The following CDYL variants were observed in gnomAD, a reference collection of about 807,000 sequenced individuals.
The protein encoded by CDYL is chromodomain Y-like protein.
In CDYL, 8 loss-of-function variants were observed where a neutral mutation model predicts 47.3. The observed-to-expected ratio is 0.17, with a 90% CI of 0.10 to 0.31. The LOEUF (loss-of-function observed/expected upper bound fraction) is 0.31, where lower values mean the gene tolerates loss of function less well. CDYL is among the 10% of genes least tolerant of loss of function. CDYL has a pLI of 1.00. For synonymous variants in CDYL, 266 were observed against 265.0 expected (o/e 1.00, Z -0.04); for missense variants, 471 against 701.4 (o/e 0.67, Z 3.71).
intron 2 of CDYL, among the ~76,000 whole-genome samples, chr6:4,728,615 T>C (rs185244655): frequency 2.0e-5 from 3 of 152,330 alleles, no homozygotes; most frequent in Admixed American, 1.3e-4. Flanking sequence ...ATGAGGAATC[T>C]TGGACTCTTG....
At chr6:4,741,224 A>G (rs922237470) in intron 3 of CDYL, among the ~76,000 whole-genome samples, 4 of 152,080 alleles carry the variant, frequency 2.6e-5, no homozygotes, top group African/African-American at 4.8e-5. Context: ...TTTCTTTTCA[A>G]CCTCCCAGGA....
intron 1 of CDYL, among the ~76,000 whole-genome samples, chr6:4,833,646 T>TTC (rs950677033): frequency 3.3e-5 from 5 of 151,172 alleles, no homozygotes; most frequent in Admixed American, 3.3e-4. Flanking sequence ...TTCTGTCTTG[T>TTC]TGATCTGTCT....
rs556637980 is a variant in CDYL, at chr6:4,953,261, G to C, written c.1477-637G>C. 3.3e-5 allele frequency among the ~76,000 whole-genome samples: 5 copies of C among 151,822 alleles called. No individual in the cohort carries two copies. In the South Asian group the frequency reaches 1.0e-3, roughly 32 times the overall value. ...TAGCCAGGCTTGGTGGTGCACGCCT[G>C]TAATCCCAACTACTCGAGAGGCTGA... On this transcript the variant is annotated intron_variant, in intron 6 of 6. Coordinates refer to ENST00000397588, the MANE Select transcript of CDYL (RefSeq NM_004824.4).
Position 4,895,148 on chromosome 6 carries a change from T to C in CDYL, c.691+2769T>C, listed in dbSNP as rs866628777. Among the ~76,000 whole-genome samples the C allele has an allele frequency of 1.2e-4, 2 of 16,044 alleles. 1 individual carries two copies. Among genetic ancestry groups the C allele is most frequent in the Non-Finnish European group, 2.1e-3 (2 of 932 alleles). The allele number at this position is 16,044 out of a possible 152,430, so 10.5% of individuals were successfully genotyped here. ...ATATGTGCATGTGTGTATATGTATC[T>C]ATACACATACATGTACATATGTGTA... is the stretch of plus-strand genomic sequence containing the variant. On this transcript the variant is annotated intron_variant, in intron 2 of 6. Coordinates refer to ENST00000397588, the MANE Select transcript of CDYL (RefSeq NM_004824.4).
Position 4,815,458 on chromosome 6 carries a change from G to A in CDYL, c.24+38651G>A, listed in dbSNP as rs1727199133. Among the ~76,000 whole-genome samples, 3 of 152,066 alleles carry A rather than the reference G, an allele frequency of 2.0e-5. No homozygotes were observed. The South Asian group carries it at 6.2e-4, about 31-fold the overall frequency. ...CCATTTCTCTGTTGATTTTTAGGTT[G>A]TTTACAGTTTTTTCCAATAGACTTA... is the stretch of plus-strand genomic sequence containing the variant. On this transcript the variant is annotated intron_variant, in intron 1 of 6. Transcript: ENST00000397588.
intron 1 of CDYL, among the ~76,000 whole-genome samples, chr6:4,803,577 T>C (rs1421498690): frequency 6.6e-6 from 1 of 152,086 alleles, no homozygotes; most frequent in African/African-American, 2.4e-5. Flanking sequence ...TGTTCCCTGG[T>C]TGCCCTTTCA....
chr6:4,780,328 G>A (rs1491000547), intron 1 of CDYL, among the ~76,000 whole-genome samples: 6 of 142,654 alleles, frequency 4.2e-5, no homozygotes, highest in Non-Finnish European at 9.0e-5. Context: ...TGCCTCCCGG[G>A]TTCAAAGCTA....
chr6:4,725,819 G>A (rs1022366582), intron 2 of CDYL, among the ~76,000 whole-genome samples: 7 of 152,256 alleles, frequency 4.6e-5, no homozygotes, highest in African/African-American at 9.6e-5. Context: ...AGGAGGCGCC[G>A]AGAGCGAGCG....
chr6:4,734,643 A>T, intron 2 of CDYL: 1 of 1,339,484 alleles, frequency 7.5e-7, no homozygotes, highest in Non-Finnish European at 1.0e-6. Context: ...TTAGACTCCT[A>T]ATTCAGGAAG....
At chr6:4,884,914 G>A (rs1761861410) in intron 1 of CDYL, among the ~76,000 whole-genome samples, 1 of 152,174 alleles carries the variant, frequency 6.6e-6, no homozygotes, top group Non-Finnish European at 1.5e-5. Flanking sequence ...TACCCTTTAA[G>A]CTTTCACTTT....
chr6:4,791,621 G>A (rs1424047062), intron 1 of CDYL, among the ~76,000 whole-genome samples: 2 of 151,944 alleles, frequency 1.3e-5, no homozygotes. Context: ...TGAATTTCTA[G>A]CATTTACATG....
In CDYL at chr6:4,716,593, ATTTTTTT is replaced by A. The variant is rs35154777; in HGVS notation, c.103+726_103+732del. 1.3e-4 allele frequency among the ~76,000 whole-genome samples: 16 copies of A among 119,990 alleles called. No individual in the cohort carries two copies. The South Asian group carries it at 4.2e-3, about 32-fold the overall frequency. 78.7% of individuals were successfully genotyped at this position (119,990 alleles called of 152,430 possible). A position where few individuals can be genotyped will look rare whatever the true frequency, so the allele number is the denominator to read the frequency against. On this transcript the variant is annotated intron_variant, in intron 2 of 8. Coordinates refer to the CDYL transcript ENST00000328908. ...ACAAGCGTCAGAGAAGGCAGCAATA[ATTTTTTT>A]TTTTTTTTTTTTTGCCTCATCTTCA... is the stretch of plus-strand genomic sequence containing the variant.
chr6:4,765,080 T>C (rs553623328), intron 3 of CDYL, among the ~76,000 whole-genome samples: 1 of 152,294 alleles, frequency 6.6e-6, no homozygotes, highest in East Asian at 1.9e-4. Flanking sequence ...CCCAGCACTT[T>C]GGGAGGTCAA....
intron 1 of CDYL, among the ~76,000 whole-genome samples, chr6:4,715,171 G>T (rs140561913): frequency 6.6e-6 from 1 of 152,174 alleles, no homozygotes; most frequent in Admixed American, 6.5e-5. Context: ...ACCTGAGAAT[G>T]ACTCACTTCC....
rs920925534 is a variant in CDYL, at chr6:4,924,832, G to C, written c.692-10683G>C. ...AATAAAAGCTACAGGGCTTATGGGG[G>C]AAATGAGATTAGAGGTACAGCCCAC... On this transcript the variant is annotated intron_variant, in intron 2 of 6. Coordinates refer to ENST00000397588, the MANE Select transcript of CDYL (RefSeq NM_004824.4). 2.0e-4 allele frequency among the ~76,000 whole-genome samples: 30 copies of C among 152,274 alleles called. 1 individual carries two copies. The highest frequency in any genetic ancestry group is 6.7e-4 in the African/African-American group (28 of 41,546).
intron 4 of CDYL, among the ~76,000 whole-genome samples, chr6:4,938,275 T>A (rs147092249): frequency 1.1e-4 from 16 of 152,118 alleles, no homozygotes; most frequent in African/African-American, 3.9e-4. Context: ...GTGCACATTC[T>A]TGTTCAGTTT....
intron 1 of CDYL, among the ~76,000 whole-genome samples, chr6:4,813,734 A>T (rs1759591881): frequency 6.6e-6 from 1 of 150,552 alleles, no homozygotes; most frequent in South Asian, 2.1e-4. Context: ...TTTCTATCTC[A>T]GACTTGTAAA....
chr6:4,909,004 G>T (rs1757326123), intron 2 of CDYL, among the ~76,000 whole-genome samples: 1 of 152,220 alleles, frequency 6.6e-6, no homozygotes, highest in South Asian at 2.1e-4. Context: ...TCGTGTACAG[G>T]AGTGTACAAA....
intron 1 of CDYL, among the ~76,000 whole-genome samples, chr6:4,857,938 A>C (rs781679627): frequency 6.6e-6 from 1 of 152,190 alleles, no homozygotes; most frequent in African/African-American, 2.4e-5. Context: ...ATAGTGATTT[A>C]AAGACGTGGA....
Sources: gnomAD v4.1 joint callset for allele counts (sites outside exome capture counted in the v4.1 genomes callset) on GRCh38, gnomAD v4.1.1 for gene constraint, MANE v1.5 for transcripts, NCBI Gene and HGNC (gene_info 2026-07-23, HGNC 2026-07-21) for gene names.